Variants in HTR3B observed in about 807,000 individuals in gnomAD.
HTR3B encodes 5-hydroxytryptamine (serotonin) receptor 3B, ionotropic.
HTR3B carries 44 observed loss-of-function variants against 42.8 expected under a neutral mutation model. The ratio of observed to expected loss-of-function variants is 1.03; its 90% CI spans 0.81 to 1.32. HTR3B has a LOEUF of 1.32. Among genes scored for constraint, HTR3B ranks in the 40% most tolerant of loss-of-function variants. The pLI, the probability that HTR3B is intolerant of heterozygous loss-of-function variation, is 0.00. For missense variants in HTR3B, 527 were observed against 536.5 expected (o/e 0.98, Z 0.17); for synonymous variants, 203 against 209.0 (o/e 0.97, Z 0.25).
chr11:113,941,556 G>C (rs1950134813), intron 6 of HTR3B, among the ~76,000 whole-genome samples: 1 of 152,122 alleles, frequency 6.6e-6, no homozygotes, highest in Admixed American at 6.5e-5. Context: ...AGCTTCAGGC[G>C]GCCTCCACTG....
At chr11:113,918,731 G>A (rs1367201455) in intron 2 of HTR3B, among the ~76,000 whole-genome samples, 4 of 149,636 alleles carry the variant, frequency 2.7e-5, no homozygotes, top group East Asian at 2.0e-4. Flanking sequence ...GTCTTGGCTC[G>A]CTGCAACCTC....
At chr11:113,930,437 CTAGAT>C (rs1950022027) in intron 2 of HTR3B, among the ~76,000 whole-genome samples, 2 of 149,194 alleles carry the variant, frequency 1.3e-5, no homozygotes, top group African/African-American at 4.9e-5. Flanking sequence ...ATGTTCTTTA[CTAGAT>C]TAGATATGAA....
At chr11:113,928,726 G>A (rs547170153) in intron 2 of HTR3B, among the ~76,000 whole-genome samples, 1 of 152,134 alleles carries the variant, frequency 6.6e-6, no homozygotes, top group African/African-American at 2.4e-5. Flanking sequence ...AAGTAGAGAC[G>A]GGGTTTCACC....
intron 2 of HTR3B, among the ~76,000 whole-genome samples, chr11:113,909,910 G>A (rs1212802781): frequency 6.6e-6 from 1 of 150,608 alleles, no homozygotes; most frequent in Admixed American, 6.7e-5. Flanking sequence ...CTTGAGCTTG[G>A]GTGGTTGAGG....
intron 2 of HTR3B, among the ~76,000 whole-genome samples, chr11:113,916,391 C>G (rs1029372750): frequency 3.9e-5 from 6 of 152,152 alleles, no homozygotes; most frequent in Non-Finnish European, 7.4e-5. Flanking sequence ...TGACTCTGTT[C>G]TATTCAACTA....
At chr11:113,925,238 C>T (rs1435077511) in intron 2 of HTR3B, among the ~76,000 whole-genome samples, 1 of 152,050 alleles carries the variant, frequency 6.6e-6, no homozygotes, top group East Asian at 1.9e-4. Context: ...CAATTAATTT[C>T]GTATACCCAG....
intron 2 of HTR3B, among the ~76,000 whole-genome samples, chr11:113,925,901 A>G (rs1949966350): frequency 6.6e-6 from 1 of 152,192 alleles, no homozygotes; most frequent in South Asian, 2.1e-4. Context: ...AAATTCACCA[A>G]TTTAAAGTAT....
At chr11:113,933,375 C>T (rs921841972) in intron 6 of HTR3B, among the ~76,000 whole-genome samples, 1 of 152,066 alleles carries the variant, frequency 6.6e-6, no homozygotes, top group African/African-American at 2.4e-5. Context: ...TCCAATCTTT[C>T]CACACACACT....
intron 2 of HTR3B, among the ~76,000 whole-genome samples, chr11:113,916,383 ACT>A (rs1390119618): frequency 1.3e-5 from 2 of 152,050 alleles, no homozygotes; most frequent in Non-Finnish European, 2.9e-5. Flanking sequence ...TTATTTCTTG[ACT>A]CTGTTCTATT....
chr11:113,902,297 G>T (rs28547016), upstream of HTR3B, among the ~76,000 whole-genome samples: 1 of 148,730 alleles, frequency 6.7e-6, no homozygotes, highest in African/African-American at 2.5e-5. Context: ...TTTGTTTTTT[G>T]TTTTTTTTTT....
In HTR3B at chr11:113,931,165, C is replaced by T. The variant is rs372035081; in HGVS notation, c.214-219C>T. Among the ~76,000 whole-genome samples, 462 of 152,126 alleles carry T rather than the reference C, an allele frequency of 3.0e-3. 1 individual carries two copies. Among genetic ancestry groups the T allele is most frequent in the Non-Finnish European group, 4.9e-3 (333 of 67,996 alleles). ...AAGATGTCAAGGGCAGGCAAAGTGC[C>T]GTTTTGTCATAGATAATATAGTAAA... On this transcript the variant is annotated intron_variant, in intron 2 of 8. Coordinates refer to ENST00000260191, the MANE Select transcript of HTR3B (RefSeq NM_006028.5).
intron 8 of HTR3B, among the ~76,000 whole-genome samples, chr11:113,945,239 A>C (rs1015160489): frequency 6.6e-6 from 1 of 152,106 alleles, no homozygotes; most frequent in Non-Finnish European, 1.5e-5. Flanking sequence ...GGCTCAAGCT[A>C]TTCTCCTGCC....
intron 2 of HTR3B, among the ~76,000 whole-genome samples, chr11:113,915,845 TG>T (rs952265212): frequency 4.0e-5 from 6 of 150,978 alleles, no homozygotes; most frequent in Non-Finnish European, 8.9e-5. Context: ...AATCTTTAAA[TG>T]TTTTTTTTTT....
At chr11:113,940,089 T>A (rs12289321) in intron 6 of HTR3B, among the ~76,000 whole-genome samples, 8,042 of 152,052 alleles carry the variant, frequency 0.053, 654 homozygotes, top group African/African-American at 0.18. Context: ...GTTTGACTAC[T>A]TTGGTCAGGT....
chr11:113,910,283 G>A (rs1373004066), intron 2 of HTR3B, among the ~76,000 whole-genome samples: 1 of 152,186 alleles, frequency 6.6e-6, no homozygotes, highest in Non-Finnish European at 1.5e-5. Context: ...AAGATGGGCT[G>A]TGGGAATGAA....
At chr11:113,907,411 C>G (rs1414159901) in intron 1 of HTR3B, among the ~76,000 whole-genome samples, 1 of 152,170 alleles carries the variant, frequency 6.6e-6, no homozygotes, top group Non-Finnish European at 1.5e-5. Flanking sequence ...TGTAATTGAT[C>G]TTTCTCCTCA....
At chr11:113,940,307 T>G (rs1950124120) in intron 6 of HTR3B, among the ~76,000 whole-genome samples, 1 of 152,198 alleles carries the variant, frequency 6.6e-6, no homozygotes, top group Admixed American at 6.5e-5. Context: ...TGTTCCCATT[T>G]CTACCCTCCA....
rs761133963 is a variant in HTR3B at position 113,931,853 on chromosome 11, C to T, written c.354C>T (p.Ile118=). 1.3e-6 allele frequency: 2 copies of T among 1,577,476 alleles called. No individual in the cohort carries two copies. Among genetic ancestry groups the T allele is most frequent in the Non-Finnish European group, 1.7e-6 (2 of 1,146,692 alleles). The change falls in exon 4 of 9, where the codon ATC becomes ATT. Residue 118 remains isoleucine, a synonymous_variant. Transcript: ENST00000260191. ...TAAGTGCCATCTGGGCCCCCGATAT[C>T]ATCATCAATGAGTTGTAAGTGTGCC... ...LPLSAIWAPD[I]IINEFVDIER... is the part of the protein sequence containing the mutation.
chr11:113,914,045 T>A (rs11214767), intron 2 of HTR3B, among the ~76,000 whole-genome samples: 52,163 of 131,240 alleles, frequency 0.4, 9,246 homozygotes, highest in East Asian at 0.55. Context: ...AAAAATATAT[T>A]TTTTTTTTTT....
Sources: gnomAD v4.1 joint callset for allele counts (sites outside exome capture counted in the v4.1 genomes callset) on GRCh38, gnomAD v4.1.1 for gene constraint, MANE v1.5 for transcripts, NCBI Gene and HGNC (gene_info 2026-07-23, HGNC 2026-07-21) for gene names.